Variants in CC2D2A observed in about 807,000 individuals in gnomAD.
CC2D2A encodes the protein coiled-coil and C2 domain-containing protein 2A.
In CC2D2A, 155 loss-of-function variants were observed where a neutral mutation model predicts 212.9. That is an observed-to-expected ratio of 0.73 (90% CI 0.64 to 0.83). CC2D2A has a LOEUF of 0.83. Ranked by LOEUF, CC2D2A falls within the 40% of genes least tolerant of loss-of-function variation. The probability of loss-of-function intolerance (pLI) is 0.00; values close to 1 mark genes in which losing one functional copy is unlikely to be tolerated. For missense variants in CC2D2A, 1,856 were observed against 1,956.2 expected, an observed-to-expected ratio of 0.95 and a Z score of 0.97; for synonymous variants, 667 against 686.5, an observed-to-expected ratio of 0.97 and a Z score of 0.44.
rs770127559 is a variant in CC2D2A at position 15,514,734 on chromosome 4, G to A, written c.745G>A (p.Asp249Asn). The A allele has an allele frequency of 6.9e-6, 11 of 1,598,126 alleles. No individual in the cohort carries two copies. The Middle Eastern group carries it at 5.0e-4, about 72-fold the overall frequency. ...TGAGGAAGAACTGCTTAATGGTGAT[G>A]ATGCCGAGGACTTCCTATTGGGCTT... is the stretch of plus-strand genomic sequence containing the variant. ...MDEEELLNGD[D>N]AEDFLLGLDH... The change falls in exon 9 of 37, where the codon GAT (aspartate) becomes AAT (asparagine). Residue 249 changes from aspartate (D) to asparagine (N), a missense_variant. This residue lies in a region of CC2D2A where 1,512 missense variants were observed against 1,579.3 expected (regional missense o/e 0.96). Transcript: ENST00000424120.
In CC2D2A at chr4:15,599,556, C is replaced by A; in HGVS notation, c.4524C>A (p.Ile1508=). The A allele has an allele frequency of 1.3e-6, 2 of 1,574,462 alleles. No individual in the cohort carries two copies. The highest frequency in any genetic ancestry group is 1.7e-6 in the Non-Finnish European group (2 of 1,155,710). The change falls in exon 36 of 37, where the codon ATC becomes ATA. Residue 1508 remains isoleucine (I), a synonymous_variant. Coordinates refer to ENST00000424120, the MANE Select transcript of CC2D2A (RefSeq NM_001378615.1). ...DRIEKILKEK[I]MDWRPRHLTR... is the part of the protein sequence containing the mutation. ...TTGAAAAAATACTAAAAGAAAAAAT[C>A]ATGGACTGGAGGCCACGCCATCTGA...
At chr4:15,512,498 A>G (rs929045870) in intron 8 of CC2D2A, among the ~76,000 whole-genome samples, 1 of 152,224 alleles carries the variant, frequency 6.6e-6, no homozygotes, top group Non-Finnish European at 1.5e-5. Context: ...GCTACATTGT[A>G]TCATCAAAAT....
In CC2D2A at chr4:15,485,813, A is replaced by G. The variant is rs565445848; in HGVS notation, c.247+4986A>G. ...ATGTTTTTTGCCTATTTTTAATGAG[A>G]TTATTTATGTTTTATCTGTTGAGAT... On this transcript the variant is annotated intron_variant, in intron 4 of 36. Coordinates refer to ENST00000424120, the MANE Select transcript of CC2D2A (RefSeq NM_001378615.1). Among the ~76,000 whole-genome samples the G allele has an allele frequency of 2.6e-5, 4 of 152,038 alleles. No individual in the cohort carries two copies. In the East Asian group the frequency reaches 7.7e-4, roughly 29 times the overall value.
At chr4:15,474,790 G>A (rs909047881) in intron 1 of CC2D2A, among the ~76,000 whole-genome samples, 4 of 152,142 alleles carry the variant, frequency 2.6e-5, no homozygotes, top group African/African-American at 9.7e-5. Context: ...AGTAAGATGA[G>A]GGCCGAGAAC....
At position 15,550,975 on chromosome 4, in the gene CC2D2A, G is replaced by C. The variant is rs1285354201; in HGVS notation, c.2333G>C (p.Gly778Ala). Residue 778 changes from glycine to alanine, a missense_variant, in exon 18 of 37, where the codon GGA becomes GCA. Gly to Ala is a moderately conservative substitution (Grantham distance 60). This residue lies in a region of CC2D2A where 1,512 missense variants were observed against 1,579.3 expected (regional missense o/e 0.96). Coordinates refer to ENST00000424120, the MANE Select transcript of CC2D2A (RefSeq NM_001378615.1). ...QHVTLDHEGVGSGVPFSFEAD... is the reference protein window; with the variant it reads ...QHVTLDHEGVASGVPFSFEAD... ...GTGACACTGGACCACGAGGGAGTTG[G>C]AAGTGGTATGGAAAGCTAATATCTT... 1 of 1,591,428 alleles carries C rather than the reference G, an allele frequency of 6.3e-7. No homozygotes were observed. The highest frequency in any genetic ancestry group is 8.6e-7 in the Non-Finnish European group (1 of 1,162,586).
At chr4:15,587,692 G>T in intron 31 of CC2D2A, 124 bp from the exon 32 acceptor site, 3 of 484,894 alleles carry the variant, frequency 6.2e-6, no homozygotes, top group South Asian at 3.7e-5. Flanking sequence ...TCAAAATTTC[G>T]GGCAAGATTA....
intron 10 of CC2D2A, 127 bp downstream of exon 10, chr4:15,516,131 TC>T: frequency 3.0e-6 from 3 of 1,002,594 alleles, no homozygotes; most frequent in Non-Finnish European, 2.7e-6. Context: ...AGAAAGTGGT[TC>T]ATTTTTTTTT....
At chr4:15,470,551 G>A (rs1036088319) in intron 1 of CC2D2A, among the ~76,000 whole-genome samples, 1 of 152,010 alleles carries the variant, frequency 6.6e-6, no homozygotes, top group Non-Finnish European at 1.5e-5. Flanking sequence ...TCATTGCAAA[G>A]AGGTGGTATG....
chr4:15,509,436 G>A (rs571684643), intron 6 of CC2D2A, among the ~76,000 whole-genome samples: 6 of 152,218 alleles, frequency 3.9e-5, no homozygotes, highest in Admixed American at 6.5e-5. Context: ...ACCACGCCTG[G>A]CTAAACTTTG....
intron 24 of CC2D2A, chr4:15,563,782 A>T (rs952462300): frequency 1.7e-5 from 7 of 422,888 alleles, no homozygotes; most frequent in Non-Finnish European, 3.0e-5. Flanking sequence ...GACTGCAGGG[A>T]TAAGATAGTT....
At chr4:15,569,236 G>A (rs958600443) in intron 26 of CC2D2A, 57 bp from the exon 27 acceptor site, 1 of 911,724 alleles carries the variant, frequency 1.1e-6, no homozygotes, top group Non-Finnish European at 1.7e-6. Flanking sequence ...ACATTTGAAT[G>A]CTCATAATTT....
At position 15,478,748 on chromosome 4, in the gene CC2D2A, C is replaced by G. The variant is rs1333338050; in HGVS notation, c.65C>G (p.Ala22Gly). The G allele has an allele frequency of 1.3e-6, 2 of 1,554,992 alleles. No homozygotes were observed. Among genetic ancestry groups the G allele is most frequent in the Non-Finnish European group, 1.7e-6 (2 of 1,148,842 alleles). Residue 22 changes from alanine to glycine, a missense_variant, in exon 3 of 37, where the codon GCA becomes GGA. Ala to Gly is a moderately conservative substitution (Grantham distance 60). Around this residue, in one of 5 missense-constraint regions of CC2D2A, gnomAD observed 1,512 missense variants for 1,579.3 expected, o/e 0.96. Coordinates refer to ENST00000424120, the MANE Select transcript of CC2D2A (RefSeq NM_001378615.1). Reference protein sequence around the residue: ...TEEFIENDEDADMGRQNKNSK... With the variant: ...TEEFIENDEDGDMGRQNKNSK... ...GAGTTCATTGAAAATGATGAGGATG[C>G]AGACATGGGAAGACAGAATAAGAAC...
intron 1 of CC2D2A, among the ~76,000 whole-genome samples, chr4:15,470,267 T>C (rs1742283370): frequency 6.6e-6 from 1 of 152,200 alleles, no homozygotes; most frequent in African/African-American, 2.4e-5. Context: ...CTATCTGGTA[T>C]CTGGTTTGCA....
chr4:15,504,915 A>T (rs548219019), intron 6 of CC2D2A, among the ~76,000 whole-genome samples: 1 of 152,240 alleles, frequency 6.6e-6, no homozygotes, highest in Non-Finnish European at 1.5e-5. Context: ...TGAAGAGCAC[A>T]GATGCTGAAC....
Position 15,574,212 on chromosome 4 carries a change from T to G in CC2D2A, c.3657T>G (p.Asn1219Lys). 2 of 1,551,512 alleles carry G rather than the reference T, an allele frequency of 1.3e-6. No homozygotes were observed. Among genetic ancestry groups the G allele is most frequent in the Non-Finnish European group, 1.7e-6 (2 of 1,146,870 alleles). ...TTCTGGGCTACAGTAAGGAGCGAAA[T>G]ATGATTCTTGAGCGGGGTTTTGATT... ...PVLLGYSKER[N>K]MILERGFDSV... The change falls in exon 29 of 37, where the codon AAT becomes AAG. Residue 1219 changes from asparagine (N) to lysine (K), a missense_variant. This residue lies in a region of CC2D2A where 1,512 missense variants were observed against 1,579.3 expected (regional missense o/e 0.96). Coordinates refer to ENST00000424120, the MANE Select transcript of CC2D2A (RefSeq NM_001378615.1).
In CC2D2A at chr4:15,557,387, A is replaced by G. The variant is rs2109058129; in HGVS notation, c.2709A>G (p.Gln903=). 2 of 1,613,770 alleles carry G rather than the reference A, an allele frequency of 1.2e-6. No individual in the cohort carries two copies. The highest frequency in any genetic ancestry group is 2.2e-5 in the East Asian group (1 of 44,848). The change falls in exon 21 of 37, where the codon CAA becomes CAG. Residue 903 remains glutamine (Q), a synonymous_variant. Coordinates refer to ENST00000424120, the MANE Select transcript of CC2D2A (RefSeq NM_001378615.1). Reference sequence around the variant, plus strand: ...AGGAGTTTAACTTTGTTTCAGATCAAGAATTAAATAGATCCAAACGATTTA... The same window carrying G: ...AGGAGTTTAACTTTGTTTCAGATCAGGAATTAAATAGATCCAAACGATTTA... ...LQQEFNFVSD[Q]ELNRSKRFRL...
intron 5 of CC2D2A, 46 bp from the exon 6 acceptor site, chr4:15,502,776 G>T: frequency 8.1e-6 from 12 of 1,479,362 alleles, no homozygotes; most frequent in Non-Finnish European, 1.1e-5. Context: ...TTATTTCTCG[G>T]CATTCCTGAC....
chr4:15,519,637 C>T (rs1560162717), intron 11 of CC2D2A: 1 of 430,632 alleles, frequency 2.3e-6, no homozygotes, highest in East Asian at 7.1e-5. Flanking sequence ...GCTGGGGAGG[C>T]CTCACAATCA....
chr4:15,502,681 T>C, intron 5 of CC2D2A, 141 bp from the exon 6 acceptor site: 1 of 1,000,428 alleles, frequency 1.0e-6, no homozygotes, highest in Non-Finnish European at 1.5e-6. Flanking sequence ...CAGATGAAAA[T>C]TATGCTTCAG....
Sources: allele counts gnomAD v4.1 joint callset (sites outside exome capture counted in the v4.1 genomes callset), GRCh38; gene constraint gnomAD v4.1.1; regional missense constraint gnomAD v4.1.1; transcripts MANE v1.5; gene names NCBI Gene and HGNC (gene_info 2026-07-23, HGNC 2026-07-21).